The following SEH1L variants were observed in gnomAD, a reference collection of about 807,000 sequenced individuals.
SEH1L encodes SEH1 like nucleoporin.
SEH1L carries 18 observed loss-of-function variants against 49.5 expected under a neutral mutation model. The observed-to-expected ratio is 0.36, with a 90% confidence interval of 0.25 to 0.54. SEH1L has a LOEUF of 0.54. Among genes scored for constraint, SEH1L ranks in the 20% least tolerant of loss-of-function variants. The pLI is 0.87. For synonymous variants in SEH1L, 169 were observed against 178.1 expected, an observed-to-expected ratio of 0.95 and a Z score of 0.41; for missense variants, 404 against 528.8, an observed-to-expected ratio of 0.76 and a Z score of 2.31.
chr18:12,974,872 G>C (rs1455439198), intron 5 of SEH1L, among the ~76,000 whole-genome samples: 1 of 152,224 alleles, frequency 6.6e-6, no homozygotes, highest in Non-Finnish European at 1.5e-5. Context: ...CTAAGGTCCA[G>C]AGTCAGGACC....
intron 5 of SEH1L, 29 bp downstream of exon 5, chr18:12,971,280 T>G (rs778312637): frequency 2.3e-6 from 3 of 1,331,052 alleles, no homozygotes. Flanking sequence ...TTAATAATTG[T>G]TCAGAATTGC....
chr18:12,956,894 T>G (rs1008591960), intron 3 of SEH1L, among the ~76,000 whole-genome samples: 6 of 152,046 alleles, frequency 3.9e-5, no homozygotes, highest in Non-Finnish European at 8.8e-5. Context: ...GGTGAAACCC[T>G]GTCTCTACTA....
chr18:12,975,281 C>T (rs553299217), intron 5 of SEH1L, among the ~76,000 whole-genome samples: 8 of 151,996 alleles, frequency 5.3e-5, no homozygotes, highest in Middle Eastern at 3.4e-3. Context: ...CGTGAGCCAC[C>T]GTGCCCAGCC....
Position 12,955,596 on chromosome 18 carries a change from G to A in SEH1L, c.296G>A (p.Gly99Glu), listed in dbSNP as rs754774049. 6.8e-6 allele frequency: 11 copies of A among 1,614,068 alleles called. No individual in the cohort carries two copies. The highest frequency in any genetic ancestry group is 1.6e-4 in the Middle Eastern group (1 of 6,062). Residue 99 changes from glycine (G) to glutamate (E), a missense_variant, in exon 3 of 9, where the codon GGA becomes GAA. Physicochemically the swap from Gly to Glu is moderately conservative, Grantham distance 98. This residue lies in a region of SEH1L where 342 missense variants were observed against 430.8 expected (regional missense o/e 0.79). Coordinates refer to ENST00000399892, the MANE Select transcript of SEH1L (RefSeq NM_001013437.2). Reference protein sequence around the residue: ...IVGESNDKLRGQSHWVKRTTL... With the variant: ...IVGESNDKLREQSHWVKRTTL... Reference sequence around the variant, plus strand: ...GGAGAATCAAATGATAAACTGCGAGGACAGAGCCACTGGGTGAGACATTTA... The same window carrying A: ...GGAGAATCAAATGATAAACTGCGAGAACAGAGCCACTGGGTGAGACATTTA...
chr18:12,962,673 A>G (rs1329601779), intron 3 of SEH1L, among the ~76,000 whole-genome samples: 2 of 148,958 alleles, frequency 1.3e-5, no homozygotes, highest in Non-Finnish European at 1.5e-5. Context: ...GTGTCTTGCC[A>G]TGTAGCCCAG....
At chr18:12,979,073 T>C (rs536018946) in intron 6 of SEH1L, among the ~76,000 whole-genome samples, 181 bp downstream of exon 6, 16 of 130,868 alleles carry the variant, frequency 1.2e-4, no homozygotes, top group Non-Finnish European at 1.0e-4. Context: ...CTTTTTTTTC[T>C]TTCTTTTTTT....
intron 4 of SEH1L, among the ~76,000 whole-genome samples, chr18:12,968,735 G>C (rs1357637812): frequency 6.6e-6 from 1 of 152,156 alleles, no homozygotes; most frequent in Admixed American, 6.5e-5. Flanking sequence ...TGGGCTTTTG[G>C]AGGGAGGCGG....
chr18:12,958,373 A>G (rs1055746091), intron 3 of SEH1L, among the ~76,000 whole-genome samples: 1 of 152,188 alleles, frequency 6.6e-6, no homozygotes, highest in Non-Finnish European at 1.5e-5. Flanking sequence ...GGCGTGAGCC[A>G]CCATGCCTGG....
At chr18:12,971,366 C>T (rs2145642186) in intron 5 of SEH1L, 115 bp downstream of exon 5, 1 of 703,816 alleles carries the variant, frequency 1.4e-6, no homozygotes, top group East Asian at 2.9e-5. Flanking sequence ...TGCTGATTTA[C>T]TATAATATAC....
chr18:12,977,465 C>G (rs1432523656), intron 5 of SEH1L: 1 of 152,220 alleles, frequency 6.6e-6, no homozygotes, highest in Non-Finnish European at 1.5e-5. Context: ...TGGCTCACAC[C>G]TGTAATCCTA....
intron 4 of SEH1L, among the ~76,000 whole-genome samples, chr18:12,964,196 A>C (rs1384477068): frequency 2.0e-5 from 3 of 152,214 alleles, no homozygotes; most frequent in African/African-American, 7.2e-5. Flanking sequence ...CAATTATAAG[A>C]ATCACTTGGT....
intron 6 of SEH1L, among the ~76,000 whole-genome samples, chr18:12,981,998 T>A (rs1430163237): frequency 6.6e-6 from 1 of 151,882 alleles, no homozygotes; most frequent in Non-Finnish European, 1.5e-5. Context: ...TAGCTGGGAC[T>A]ACAGGCGCCC....
At chr18:12,975,528 G>C (rs1259678038) in intron 5 of SEH1L, among the ~76,000 whole-genome samples, 1 of 151,640 alleles carries the variant, frequency 6.6e-6, no homozygotes, top group Non-Finnish European at 1.5e-5. Flanking sequence ...TGTTCTGCAA[G>C]CAGAGAGGAG....
chr18:12,948,860 T>TC (rs2030299605), intron 1 of SEH1L: 1 of 150,034 alleles, frequency 6.7e-6, no homozygotes, highest in African/African-American at 2.5e-5. Context: ...TTTTTTTTTT[T>TC]TTTTTTTGAG....
chr18:12,979,983 G>C (rs1312610048), intron 6 of SEH1L, among the ~76,000 whole-genome samples: 1 of 137,964 alleles, frequency 7.2e-6, no homozygotes, highest in Admixed American at 7.1e-5. Context: ...CGGACGGGGC[G>C]GCTGGCCGGG....
rs755815221 is a variant in SEH1L at position 12,951,944 on chromosome 18, T to C, written c.162+39T>C. 21 of 1,101,868 alleles carry C rather than the reference T, an allele frequency of 1.9e-5. No individual in the cohort carries two copies. In the Admixed American group the frequency reaches 2.9e-4, roughly 15 times the overall value. 68.3% of individuals were successfully genotyped at this position (1,101,868 alleles called of 1,614,324 possible). A position where few individuals can be genotyped will look rare whatever the true frequency, so the allele number is the denominator to read the frequency against. ...TTTACATTTATTAAAAATACAGAAA[T>C]ATTTACTGTTTATTTTATAGTTATC... On this transcript the variant is annotated intron_variant, in intron 2 of 8. Transcript: ENST00000399892.
At position 12,949,061 on chromosome 18, in the gene SEH1L, A is replaced by G. The variant is rs562502094; in HGVS notation, c.111+829A>G. 6.6e-5 allele frequency among the ~76,000 whole-genome samples: 10 copies of G among 150,624 alleles called. No homozygotes were observed. The South Asian group carries it at 1.7e-3, about 25-fold the overall frequency. ...TTTTTAGTAGAGACAGAGTTTCACC[A>G]TGTGGGCCAGGCTGGTCTCGAACTC... On this transcript the variant is annotated intron_variant, in intron 1 of 8. Transcript: ENST00000399892.
At chr18:12,949,832 A>C (rs2030406752) in intron 1 of SEH1L, among the ~76,000 whole-genome samples, 1 of 151,906 alleles carries the variant, frequency 6.6e-6, no homozygotes, top group Non-Finnish European at 1.5e-5. Flanking sequence ...GCCCCTGCCC[A>C]TCTCCAGAAC....
chr18:12,959,248 C>T (rs1187885925), intron 3 of SEH1L, among the ~76,000 whole-genome samples: 1 of 152,102 alleles, frequency 6.6e-6, no homozygotes, highest in East Asian at 1.9e-4. Flanking sequence ...AATCCCTTAT[C>T]TGTTATAGGT....
Sources: allele counts gnomAD v4.1 joint callset (sites outside exome capture counted in the v4.1 genomes callset), GRCh38; gene constraint gnomAD v4.1.1; regional missense constraint gnomAD v4.1.1; transcripts MANE v1.5; gene names NCBI Gene and HGNC (gene_info 2026-07-23, HGNC 2026-07-21).